NRG3: variants seen among roughly 807,000 people sequenced by gnomAD.
NRG3 encodes pro-neuregulin-3, membrane-bound isoform.
NRG3 carries 31 observed loss-of-function variants against 66.9 expected under a neutral mutation model. The observed-to-expected ratio is 0.46, with a 90% CI of 0.35 to 0.63. NRG3 has a LOEUF of 0.63. Ranked by LOEUF, NRG3 falls within the 20% of genes least tolerant of loss-of-function variation. The pLI is 0.00. For missense variants in NRG3, 910 were observed against 878.9 expected (o/e 1.04, Z -0.45); for synonymous variants, 393 against 359.4 (o/e 1.09, Z -1.06).
intron 3 of NRG3, among the ~76,000 whole-genome samples, chr10:82,811,330 A>G (rs2061485385): frequency 2.0e-5 from 3 of 152,242 alleles, no homozygotes; most frequent in Admixed American, 2.0e-4. Context: ...TCCATTAAAT[A>G]TTCGTTGAAT....
intron 1 of NRG3, among the ~76,000 whole-genome samples, chr10:82,302,480 A>ATAGTATAG (rs2080460174): frequency 6.6e-6 from 1 of 152,108 alleles, no homozygotes; most frequent in African/African-American, 2.4e-5. Flanking sequence ...TATACCATGT[A>ATAGTATAG]TATACTTTGT....
chr10:81,961,557 A>C (rs1178356524), intron 1 of NRG3, among the ~76,000 whole-genome samples: 3 of 152,220 alleles, frequency 2.0e-5, no homozygotes, highest in African/African-American at 7.2e-5. Context: ...TTTTGTATTC[A>C]TTTCTAGAAT....
chr10:81,946,056 G>A (rs540718841), intron 1 of NRG3, among the ~76,000 whole-genome samples: 4 of 152,086 alleles, frequency 2.6e-5, no homozygotes, highest in East Asian at 3.9e-4. Context: ...TTGCTTTGTC[G>A]TCCAGGCTGG....
At chr10:82,398,491 ATGTGTGTG>A (rs1164444421) in intron 2 of NRG3, among the ~76,000 whole-genome samples, 4 of 139,088 alleles carry the variant, frequency 2.9e-5, no homozygotes, top group East Asian at 2.1e-4. Context: ...GGCTTCGTGT[ATGTGTGTG>A]TGTGTGTGTG....
chr10:82,932,417 T>G (rs1847662124), intron 4 of NRG3, among the ~76,000 whole-genome samples: 1 of 152,220 alleles, frequency 6.6e-6, no homozygotes, highest in Admixed American at 6.5e-5. Flanking sequence ...CATAATGTTA[T>G]GCTAGAAGTT....
At chr10:81,999,775 C>T (rs903908449) in intron 1 of NRG3, among the ~76,000 whole-genome samples, 3 of 152,218 alleles carry the variant, frequency 2.0e-5, no homozygotes, top group African/African-American at 7.2e-5. Context: ...ACTTCATTTA[C>T]GTCTTCAATA....
intron 2 of NRG3, among the ~76,000 whole-genome samples, chr10:82,552,076 G>A (rs905936045): frequency 6.6e-6 from 1 of 152,104 alleles, no homozygotes; most frequent in Non-Finnish European, 1.5e-5. Context: ...TAGCAGGACT[G>A]TAGGTGGAGT....
chr10:82,853,257 C>A (rs958171586), intron 3 of NRG3, among the ~76,000 whole-genome samples: 4 of 152,104 alleles, frequency 2.6e-5, no homozygotes, highest in Admixed American at 1.3e-4. Context: ...TTTGCTTAGT[C>A]TTGCTTTGGC....
chr10:82,260,333 C>A (rs907857923), intron 1 of NRG3, among the ~76,000 whole-genome samples: 1 of 152,094 alleles, frequency 6.6e-6, no homozygotes, highest in Non-Finnish European at 1.5e-5. Flanking sequence ...GTTGTAAGTG[C>A]AGCATTATAG....
chr10:82,096,478 G>A (rs904150882), intron 1 of NRG3, among the ~76,000 whole-genome samples: 5 of 150,510 alleles, frequency 3.3e-5, no homozygotes, highest in East Asian at 2.0e-4. Flanking sequence ...CTCAAAAAAC[G>A]AACAAACAAA....
chr10:82,395,199 G>C (rs900691725), intron 2 of NRG3, among the ~76,000 whole-genome samples: 7 of 152,188 alleles, frequency 4.6e-5, no homozygotes, highest in Non-Finnish European at 7.3e-5. Flanking sequence ...CTGAAATTCA[G>C]CTAGCCCACA....
chr10:82,964,797 T>C (rs1196839771), intron 6 of NRG3, among the ~76,000 whole-genome samples: 4 of 152,206 alleles, frequency 2.6e-5, no homozygotes, highest in Admixed American at 6.5e-5. Context: ...CAGGCGATTA[T>C]CAGCACTGTC....
intron 3 of NRG3, among the ~76,000 whole-genome samples, chr10:82,752,121 T>C (rs1205157942): frequency 1.3e-5 from 2 of 152,186 alleles, no homozygotes; most frequent in Non-Finnish European, 2.9e-5. Context: ...TTAAAATTTA[T>C]TTAGTATTCA....
intron 2 of NRG3, among the ~76,000 whole-genome samples, chr10:82,731,141 C>T (rs927670302): frequency 4.0e-5 from 6 of 151,876 alleles, no homozygotes; most frequent in South Asian, 4.2e-4. Context: ...CTGAGGCAGG[C>T]GGATAACTTG....
intron 2 of NRG3, among the ~76,000 whole-genome samples, chr10:82,518,632 A>G (rs755481836): frequency 3.3e-4 from 50 of 152,172 alleles, no homozygotes; most frequent in Non-Finnish European, 5.6e-4. Flanking sequence ...TATTTTTATT[A>G]TGATATGTGA....
chr10:82,117,378 CAAAGAAG>C (rs2067794268), intron 1 of NRG3, among the ~76,000 whole-genome samples: 2 of 152,106 alleles, frequency 1.3e-5, no homozygotes, highest in Non-Finnish European at 2.9e-5. Context: ...AATTGTGGGA[CAAAGAAG>C]ATACTCTAAA....
chr10:82,925,492 A>G (rs1846892302), intron 4 of NRG3, among the ~76,000 whole-genome samples: 1 of 152,172 alleles, frequency 6.6e-6, no homozygotes, highest in South Asian at 2.1e-4. Flanking sequence ...ATAAATATTC[A>G]TGTTGTAGTT....
At chr10:82,379,468 T>C (rs373546216) in intron 2 of NRG3, among the ~76,000 whole-genome samples, 5 of 151,906 alleles carry the variant, frequency 3.3e-5, no homozygotes, top group African/African-American at 1.2e-4. Flanking sequence ...GAATACTAGA[T>C]AGATTTGAAA....
intron 3 of NRG3, among the ~76,000 whole-genome samples, chr10:82,862,576 G>A (rs2064188945): frequency 1.3e-5 from 2 of 152,082 alleles, no homozygotes; most frequent in South Asian, 4.1e-4. Context: ...TTCCGTAAAG[G>A]AAATTCCCTT....
Sources: gnomAD v4.1 joint callset for allele counts (sites outside exome capture counted in the v4.1 genomes callset) on GRCh38, gnomAD v4.1.1 for gene constraint, MANE v1.5 for transcripts, NCBI Gene and HGNC (gene_info 2026-07-23, HGNC 2026-07-21) for gene names.